Variants in CACNA1I observed in about 807,000 individuals in gnomAD.
CACNA1I encodes voltage-dependent T-type calcium channel subunit alpha-1I.
Under a neutral mutation model 201.6 loss-of-function variants are expected in CACNA1I, and 74 were observed. That is an observed-to-expected ratio of 0.37 (90% CI 0.30 to 0.45). CACNA1I has a LOEUF of 0.45. CACNA1I is among the 20% of genes least tolerant of loss of function. The pLI, the probability that CACNA1I is intolerant of heterozygous loss-of-function variation, is 1.00. For missense variants in CACNA1I, 2,346 were observed against 3,138.1 expected (o/e 0.75, Z 6.03); for synonymous variants, 1,431 against 1,345.2 (o/e 1.06, Z -1.40).
intron 4 of CACNA1I, among the ~76,000 whole-genome samples, chr22:39,632,597 T>TG (rs368194625): frequency 6.5e-5 from 9 of 138,580 alleles, no homozygotes; most frequent in South Asian, 2.6e-4. Flanking sequence ...GGGGGAGGGT[T>TG]GGGGGGGTAA....
intron 1 of CACNA1I, among the ~76,000 whole-genome samples, chr22:39,571,536 G>A (rs1190669203): frequency 6.6e-6 from 1 of 152,168 alleles, no homozygotes; most frequent in East Asian, 1.9e-4. Context: ...TCCTGGAGGT[G>A]CAGAGCAAAG....
chr22:39,623,661 G>A (rs1242963447), intron 4 of CACNA1I, among the ~76,000 whole-genome samples: 3 of 147,696 alleles, frequency 2.0e-5, no homozygotes, highest in Admixed American at 6.8e-5. Flanking sequence ...TGTGTGCTGC[G>A]AGGGGGTATG....
intron 3 of CACNA1I, among the ~76,000 whole-genome samples, chr22:39,610,930 T>C (rs1169584916): frequency 1.8e-4 from 27 of 152,010 alleles, no homozygotes; most frequent in Non-Finnish European, 3.7e-4. Flanking sequence ...CATGTGCTCA[T>C]CCCTAAGCCA....
At chr22:39,630,956 A>G (rs1934046173) in intron 4 of CACNA1I, among the ~76,000 whole-genome samples, 1 of 151,682 alleles carries the variant, frequency 6.6e-6, no homozygotes, top group African/African-American at 2.4e-5. Context: ...CTGGTGCCGC[A>G]GGTTCAGGTG....
At position 39,672,955 on chromosome 22, in the gene CACNA1I, C is replaced by A; in HGVS notation, c.4656C>A (p.Asn1552Lys). The A allele has an allele frequency of 6.2e-7, 1 of 1,613,008 alleles. No individual in the cohort carries two copies. The highest frequency in any genetic ancestry group is 8.5e-7 in the Non-Finnish European group (1 of 1,179,350). The stretch of plus-strand genomic sequence containing the variant: ...CCCATGCACGGCTGAGCAGATGGAA[C>A]CAGCTGGACCTGGCCATTGTGCTAC... ...GLRRFFKDRW[N>K]QLDLAIVLLS... Residue 1552 changes from asparagine (N) to lysine (K), a missense_variant, in exon 28 of 37, where the codon AAC becomes AAA. By Grantham distance (94) the Asn-to-Lys change is moderately conservative. Around this residue, in one of 13 missense-constraint regions of CACNA1I, gnomAD observed 228 missense variants for 395.7 expected, o/e 0.58. Coordinates refer to ENST00000402142, the MANE Select transcript of CACNA1I (RefSeq NM_021096.4).
At chr22:39,640,593 A>G (rs136819) in intron 5 of CACNA1I, among the ~76,000 whole-genome samples, 96,130 of 151,802 alleles carry the variant, frequency 0.63, 31,592 homozygotes, top group East Asian at 0.99. Flanking sequence ...CAGACTCCCG[A>G]GGGAGTTGAG....
chr22:39,610,150 T>TTA (rs1295788726), intron 3 of CACNA1I, among the ~76,000 whole-genome samples: 1 of 152,180 alleles, frequency 6.6e-6, no homozygotes, highest in Non-Finnish European at 1.5e-5. Context: ...GTCATTGACT[T>TTA]TACACTCTGA....
chr22:39,599,741 G>A (rs1270764760), intron 2 of CACNA1I, among the ~76,000 whole-genome samples: 1 of 151,968 alleles, frequency 6.6e-6, no homozygotes, highest in African/African-American at 2.4e-5. Flanking sequence ...AGCAGCCCCG[G>A]GCCCCAGGCC....
intron 4 of CACNA1I, among the ~76,000 whole-genome samples, chr22:39,631,648 C>A (rs1010237767): frequency 1.3e-5 from 2 of 152,134 alleles, no homozygotes; most frequent in African/African-American, 4.8e-5. Flanking sequence ...CCTCTCCGCT[C>A]TTTCTCTCTG....
intron 7 of CACNA1I, among the ~76,000 whole-genome samples, chr22:39,643,247 G>A (rs551645603): frequency 6.6e-6 from 1 of 152,342 alleles, no homozygotes; most frequent in Admixed American, 6.5e-5. Flanking sequence ...AAGGGCTCCA[G>A]CTCATTCCTG....
chr22:39,678,765 G>A (rs993895046), intron 31 of CACNA1I, among the ~76,000 whole-genome samples: 2 of 152,176 alleles, frequency 1.3e-5, no homozygotes, highest in African/African-American at 2.4e-5. Flanking sequence ...CCCTGGTCAC[G>A]AATGCACCCT....
chr22:39,603,021 G>T (rs1487345792), intron 3 of CACNA1I, among the ~76,000 whole-genome samples: 1 of 152,020 alleles, frequency 6.6e-6, no homozygotes, highest in African/African-American at 2.4e-5. Context: ...TGTTTGTGGT[G>T]CACTCCTGTA....
Position 39,662,049 on chromosome 22 carries a change from C to T in CACNA1I, c.2986C>T (p.His996Tyr). 6.4e-7 allele frequency: 1 copy of T among 1,562,004 alleles called. No individual in the cohort carries two copies. Among genetic ancestry groups the T allele is most frequent in the Non-Finnish European group, 8.6e-7 (1 of 1,158,408 alleles). ...TCGCTCCAGCTGGAACAGCCTCAAG[C>T]ACAAGCCGCCGTCGGCGGAGCATGA... ...SRRSSWNSLKHKPPSAEHESL... is the reference protein window; with the variant it reads ...SRRSSWNSLKYKPPSAEHESL... The change falls in exon 17 of 37, where the codon CAC (histidine) becomes TAC (tyrosine). Residue 996 changes from histidine to tyrosine, a missense_variant. His to Tyr is a moderately conservative substitution (Grantham distance 83). Around this residue, in one of 13 missense-constraint regions of CACNA1I, gnomAD observed 288 missense variants for 255.2 expected, o/e 1.13. Transcript: ENST00000402142.
chr22:39,662,304 G>T lies in CACNA1I; in HGVS notation c.3241G>T (p.Ala1081Ser). The T allele has an allele frequency of 3.4e-6, 5 of 1,488,836 alleles. No homozygotes were observed. The highest frequency in any genetic ancestry group is 4.4e-6 in the Non-Finnish European group (5 of 1,127,182). 92.2% of individuals were successfully genotyped at this position (1,488,836 alleles called of 1,614,324 possible). A position where few individuals can be genotyped will look rare whatever the true frequency, so the allele number is the denominator to read the frequency against. ...VPAVGAHPRA[A>S]WRAAGPAPGH... is the part of the protein sequence containing the mutation. ...CGCGGTGGGCGCCCACCCCCGGGCC[G>T]CCTGGAGGGCGGCAGGCCCGGCCCC... Residue 1081 changes from alanine (A) to serine (S), a missense_variant, in exon 17 of 37, where the codon GCC becomes TCC. Ala to Ser is a moderately conservative substitution (Grantham distance 99). Coordinates refer to ENST00000402142, the MANE Select transcript of CACNA1I (RefSeq NM_021096.4).
At chr22:39,630,736 C>CA (rs1215183493) in intron 4 of CACNA1I, among the ~76,000 whole-genome samples, 69 of 152,336 alleles carry the variant, frequency 4.5e-4, no homozygotes, top group African/African-American at 1.6e-3. Context: ...CTGAGATCCC[C>CA]AAAAAGGAGG....
At chr22:39,628,758 C>T (rs1316093577) in intron 4 of CACNA1I, among the ~76,000 whole-genome samples, 1 of 152,270 alleles carries the variant, frequency 6.6e-6, no homozygotes, top group East Asian at 1.9e-4. Context: ...TCCCAGCCGC[C>T]CAGCCCCTTT....
At chr22:39,661,906 TG>T in intron 16 of CACNA1I, 58 bp from the exon 17 acceptor site, 1 of 1,204,034 alleles carries the variant, frequency 8.3e-7, no homozygotes, top group Non-Finnish European at 1.1e-6. Context: ...TTTGGGCACC[TG>T]GTGCCCCAGC....
chr22:39,653,557 G>A (rs535033512), intron 10 of CACNA1I, among the ~76,000 whole-genome samples: 8 of 152,294 alleles, frequency 5.3e-5, no homozygotes, highest in African/African-American at 1.9e-4. Flanking sequence ...GAGGGTGGGT[G>A]AACTCCCTCA....
At chr22:39,581,302 T>C (rs1347636263) in intron 1 of CACNA1I, among the ~76,000 whole-genome samples, 4 of 152,144 alleles carry the variant, frequency 2.6e-5, no homozygotes, top group African/African-American at 9.6e-5. Flanking sequence ...GAGTTTAGGG[T>C]CACCAGGTTG....
Sources: allele counts gnomAD v4.1 joint callset (sites outside exome capture counted in the v4.1 genomes callset), GRCh38; gene constraint gnomAD v4.1.1; regional missense constraint gnomAD v4.1.1; transcripts MANE v1.5; gene names NCBI Gene and HGNC (gene_info 2026-07-23, HGNC 2026-07-21).